Variants in ASCL5 observed in about 807,000 individuals in gnomAD.
ASCL5 encodes achaete-scute family bHLH transcription factor 5.
For missense variants in ASCL5, 262 were observed against 268.9 expected (o/e 0.97, Z 0.18); for synonymous variants, 124 against 131.5 (o/e 0.94, Z 0.39).
At chr1:201,120,327 C>T (rs549065196) in intron 1 of ASCL5, among the ~76,000 whole-genome samples, 64 of 152,270 alleles carry the variant, frequency 4.2e-4, no homozygotes, top group Non-Finnish European at 6.3e-4. Context: ...TGTCCACACC[C>T]CTGGGGATGG....
In ASCL5 at chr1:201,118,371, C is replaced by T. The variant is rs148862637; in HGVS notation, c.-505-2494G>A. Reference sequence around the variant, plus strand: ...TGGCATGTGCCTGTGGTCTCAGCTACTCAGGGGGAGGCTGAGTAGGGGAGG... The same window carrying T: ...TGGCATGTGCCTGTGGTCTCAGCTATTCAGGGGGAGGCTGAGTAGGGGAGG... On this transcript the variant is annotated intron_variant, in intron 1 of 1. Transcript: ENST00000449188. Among the ~76,000 whole-genome samples the T allele has an allele frequency of 3.3e-3, 503 of 151,942 alleles. 2 individuals are homozygous for T. Among genetic ancestry groups the T allele is most frequent in the African/African-American group, 0.012 (483 of 41,388 alleles).
chr1:201,119,201 C>T (rs914371997), intron 1 of ASCL5, among the ~76,000 whole-genome samples: 1 of 152,130 alleles, frequency 6.6e-6, no homozygotes, highest in Non-Finnish European at 1.5e-5. Context: ...AGGGTAGCAC[C>T]CCCTTGAAGA....
At chr1:201,119,685 A>G (rs1663411513) in intron 1 of ASCL5, among the ~76,000 whole-genome samples, 1 of 152,168 alleles carries the variant, frequency 6.6e-6, no homozygotes. Flanking sequence ...TATTAATACA[A>G]TTAGATGTAT....
chr1:201,115,135 AGGGGTATTCGTAGACCCC>A lies in ASCL5; in HGVS notation c.220_237del (p.Gly74_Pro79del). On this transcript the variant is annotated inframe_deletion, in exon 2 of 2. Coordinates refer to ENST00000449188, the MANE Select transcript of ASCL5 (RefSeq NM_001270601.2). ...CGCTTCTGGATGAAGGCTGGCTCGA[AGGGGTATTCGTAGACCCC>A]GAAGGCGCCGGGGAAGGGCACGTAG... 8.1e-7 allele frequency: 1 copy of A among 1,231,692 alleles called. No individual in the cohort carries two copies. The highest frequency in any genetic ancestry group is 1.0e-6 in the Non-Finnish European group (1 of 987,976). The allele number at this position is 1,231,692 out of a possible 1,614,324, so 76.3% of individuals were successfully genotyped here. A position where few individuals can be genotyped will look rare whatever the true frequency, so the allele number is the denominator to read the frequency against.
At position 201,118,559 on chromosome 1, in the gene ASCL5, T is replaced by C. The variant is rs554664021; in HGVS notation, c.-505-2682A>G. 1.1e-3 allele frequency among the ~76,000 whole-genome samples: 164 copies of C among 151,786 alleles called. No individual in the cohort carries two copies. In the Middle Eastern group the frequency reaches 0.031, roughly 29 times the overall value. On this transcript the variant is annotated intron_variant, in intron 1 of 1. Transcript: ENST00000449188. ...AGGGGGGTACACAGCTGCAAGGGAA[T>C]TGTGTTCTGCATCTATCACTGAATA...
rs1192034210 is a variant in ASCL5, at chr1:201,113,959, C to T, written c.*793G>A. 1.3e-5 allele frequency: 2 copies of T among 152,020 alleles called. No homozygotes were observed. Among genetic ancestry groups the T allele is most frequent in the African/African-American group, 4.8e-5 (2 of 41,380 alleles). The allele number at this position is 152,020 out of a possible 1,614,324, so 9.4% of individuals were successfully genotyped here. A position where few individuals can be genotyped will look rare whatever the true frequency, so the allele number is the denominator to read the frequency against. On this transcript the variant is annotated 3_prime_UTR_variant, in exon 2 of 2. Coordinates refer to ENST00000449188, the MANE Select transcript of ASCL5 (RefSeq NM_001270601.2). ...ACAATGATCTAGGAATGAGAAAATTCAACAATCCTTTTATTTAGCTCTTTG... is the reference window on the plus strand; with the variant it reads ...ACAATGATCTAGGAATGAGAAAATTTAACAATCCTTTTATTTAGCTCTTTG...
At chr1:201,119,798 G>GC (rs563165639) in intron 1 of ASCL5, among the ~76,000 whole-genome samples, 5 of 151,952 alleles carry the variant, frequency 3.3e-5, no homozygotes, top group African/African-American at 1.2e-4. Context: ...TCTACTCTTA[G>GC]CCCCCATGGT....
In ASCL5 at chr1:201,115,429, G is replaced by C. The variant is rs1663319822; in HGVS notation, c.-57C>G. The C allele has an allele frequency of 8.2e-7, 1 of 1,224,742 alleles. No individual in the cohort carries two copies. Among genetic ancestry groups the C allele is most frequent in the African/African-American group, 1.6e-5 (1 of 64,408 alleles). The allele number at this position is 1,224,742 out of a possible 1,614,324, so 75.9% of individuals were successfully genotyped here. Reference sequence around the variant, plus strand: ...CCTCCACCGAATGGCCCCGGCTTGGGGTCTGCACCGTCTCCACCAGTGGGG... The same window carrying C: ...CCTCCACCGAATGGCCCCGGCTTGGCGTCTGCACCGTCTCCACCAGTGGGG... On this transcript the variant is annotated 5_prime_UTR_variant, in exon 2 of 2. Coordinates refer to ENST00000449188, the MANE Select transcript of ASCL5 (RefSeq NM_001270601.2).
At chr1:201,121,264 C>G (rs1185471607) in intron 1 of ASCL5, among the ~76,000 whole-genome samples, 1 of 152,212 alleles carries the variant, frequency 6.6e-6, no homozygotes, top group African/African-American at 2.4e-5. Flanking sequence ...AAATAGAATA[C>G]ACTTCAGGAA....
At chr1:201,116,125 G>A (rs1663342914) in intron 1 of ASCL5, among the ~76,000 whole-genome samples, 1 of 152,156 alleles carries the variant, frequency 6.6e-6, no homozygotes. Context: ...AATAAGATAT[G>A]AGAATCAAAT....
intron 1 of ASCL5, among the ~76,000 whole-genome samples, chr1:201,120,514 T>G (rs1315857139): frequency 6.6e-6 from 1 of 152,172 alleles, no homozygotes; most frequent in Non-Finnish European, 1.5e-5. Context: ...TTCCTGTCAC[T>G]GCCCCCAACC....
intron 1 of ASCL5, among the ~76,000 whole-genome samples, chr1:201,121,354 C>G (rs748869751): frequency 6.6e-6 from 1 of 152,158 alleles, no homozygotes; most frequent in Non-Finnish European, 1.5e-5. Flanking sequence ...CACCTGTAAT[C>G]CCAGCACTTT....
chr1:201,125,582 G>A (rs1221504647), intron 1 of ASCL5, among the ~76,000 whole-genome samples: 1 of 152,112 alleles, frequency 6.6e-6, no homozygotes, highest in Non-Finnish European at 1.5e-5. Flanking sequence ...AAGCCTTGGT[G>A]CGTTGCTCTC....
Position 201,115,162 on chromosome 1 carries a change from C to T in ASCL5, c.211G>A (p.Gly71Ser), listed in dbSNP as rs1225967470. The change falls in exon 2 of 2, where the codon GGC becomes AGC. Residue 71 changes from glycine (G) to serine (S), a missense_variant. By Grantham distance (56) the Gly-to-Ser change is moderately conservative. Coordinates refer to ENST00000449188, the MANE Select transcript of ASCL5 (RefSeq NM_001270601.2). ...AGVFPYVPFP[G>S]AFGVYEYPFE... is the part of the protein sequence containing the mutation. ...GGGTATTCGTAGACCCCGAAGGCGC[C>T]GGGGAAGGGCACGTAGGGGAACACC... 7 of 1,231,526 alleles carry T rather than the reference C, an allele frequency of 5.7e-6. No individual in the cohort carries two copies. In the Admixed American group the frequency reaches 1.3e-4, roughly 22 times the overall value. The allele number at this position is 1,231,526 out of a possible 1,614,324, so 76.3% of individuals were successfully genotyped here. A position where few individuals can be genotyped will look rare whatever the true frequency, so the allele number is the denominator to read the frequency against.
chr1:201,120,862 C>G (rs1457877487), intron 1 of ASCL5, among the ~76,000 whole-genome samples: 1 of 152,168 alleles, frequency 6.6e-6, no homozygotes, highest in Non-Finnish European at 1.5e-5. Context: ...GAGAGTTGAC[C>G]AGTCCATAAT....
chr1:201,114,940 C>T lies in ASCL5; in HGVS notation c.433G>A (p.Gly145Ser). 8.1e-7 allele frequency: 1 copy of T among 1,231,186 alleles called. No individual in the cohort carries two copies. Among genetic ancestry groups the T allele is most frequent in the Non-Finnish European group, 1.0e-6 (1 of 987,634 alleles). 76.3% of individuals were successfully genotyped at this position (1,231,186 alleles called of 1,614,324 possible). A position where few individuals can be genotyped will look rare whatever the true frequency, so the allele number is the denominator to read the frequency against. The change falls in exon 2 of 2, where the codon GGC (glycine) becomes AGC (serine). Residue 145 changes from glycine (G) to serine (S), a missense_variant. Physicochemically the swap from Gly to Ser is moderately conservative, Grantham distance 56. Transcript: ENST00000449188. ...CCGCGGGAAGCGGGGGGCGTCGAGCCGTCGGGGGCCGAGCTCAGCAGCTCT... is the reference window on the plus strand; with the variant it reads ...CCGCGGGAAGCGGGGGGCGTCGAGCTGTCGGGGGCCGAGCTCAGCAGCTCT... ...LQELLSSAPD[G>S]STPPASRGLP...
At chr1:201,118,310 T>A (rs1663386881) in intron 1 of ASCL5, among the ~76,000 whole-genome samples, 1 of 151,876 alleles carries the variant, frequency 6.6e-6, no homozygotes, top group Non-Finnish European at 1.5e-5. Context: ...CAAAACCCTG[T>A]CTCTACAAAA....
Position 201,126,531 on chromosome 1 carries a change from A to G in ASCL5, c.-506+553T>C, listed in dbSNP as rs140451606. Among the ~76,000 whole-genome samples the G allele has an allele frequency of 4.5e-3, 683 of 152,356 alleles. 7 individuals carry two copies. Among genetic ancestry groups the G allele is most frequent in the African/African-American group, 0.015 (643 of 41,586 alleles). ...TAAAAACAACAAAAATATTTATATA[A>G]CATTTATTCTATGCCAAGTACTAGT... On this transcript the variant is annotated intron_variant, in intron 1 of 1. Coordinates refer to ENST00000449188, the MANE Select transcript of ASCL5 (RefSeq NM_001270601.2).
intron 1 of ASCL5, among the ~76,000 whole-genome samples, chr1:201,122,206 C>T (rs933031982): frequency 1.3e-5 from 2 of 152,180 alleles, no homozygotes; most frequent in Non-Finnish European, 2.9e-5. Context: ...GCCTGCTTAG[C>T]CCCTCACGCT....
Sources: gnomAD v4.1 joint callset for allele counts (sites outside exome capture counted in the v4.1 genomes callset) on GRCh38, gnomAD v4.1.1 for gene constraint, MANE v1.5 for transcripts, NCBI Gene and HGNC (gene_info 2026-07-23, HGNC 2026-07-21) for gene names.